Variants in CSMD1 observed in about 807,000 individuals in gnomAD.
CSMD1 encodes CUB and Sushi multiple domains 1, also known as CUB and sushi domain-containing protein 1.
In CSMD1, 213 loss-of-function variants were observed where a neutral mutation model predicts 417.5. The ratio of observed to expected loss-of-function variants is 0.51; its 90% CI spans 0.46 to 0.57. CSMD1 has a LOEUF of 0.57. CSMD1 is among the 20% of genes least tolerant of loss of function. The probability of loss-of-function intolerance (pLI) is 0.00; values close to 1 mark genes in which losing one functional copy is unlikely to be tolerated. For synonymous variants in CSMD1, 2,862 were observed against 1,736.8 expected (o/e 1.65, Z -16.11); for missense variants, 6,923 against 4,529.7 (o/e 1.53, Z -15.17).
At chr8:4,617,432 G>A (rs544608292) in intron 2 of CSMD1, among the ~76,000 whole-genome samples, 3 of 152,274 alleles carry the variant, frequency 2.0e-5, no homozygotes, top group African/African-American at 7.2e-5. Context: ...CAAGGTAGTA[G>A]GACTGATATT....
chr8:3,842,460 C>A (rs945898886), intron 5 of CSMD1, among the ~76,000 whole-genome samples: 1 of 152,070 alleles, frequency 6.6e-6, no homozygotes. Context: ...ATTTTATTCT[C>A]ATTGTTCATT....
At chr8:3,575,484 G>A (rs1308826868) in intron 9 of CSMD1, among the ~76,000 whole-genome samples, 1 of 152,140 alleles carries the variant, frequency 6.6e-6, no homozygotes, top group Non-Finnish European at 1.5e-5. Context: ...AGGCACCGCC[G>A]AGTGCAATTC....
intron 7 of CSMD1, among the ~76,000 whole-genome samples, chr8:3,637,581 T>C (rs1345852810): frequency 2.0e-5 from 3 of 152,168 alleles, no homozygotes; most frequent in Non-Finnish European, 4.4e-5. Context: ...TTTAGTAAAA[T>C]ATTGACTACT....
chr8:4,722,493 T>G (rs1563219938), intron 1 of CSMD1, among the ~76,000 whole-genome samples: 1 of 152,072 alleles, frequency 6.6e-6, no homozygotes, highest in Non-Finnish European at 1.5e-5. Flanking sequence ...CTGCTTCCAT[T>G]AGGACTTGGG....
At chr8:3,423,547 G>A (rs968740655) in intron 12 of CSMD1, among the ~76,000 whole-genome samples, 2 of 152,048 alleles carry the variant, frequency 1.3e-5, no homozygotes, top group East Asian at 1.9e-4. Context: ...CCACTGTGTG[G>A]CTTTGGCACC....
At chr8:4,496,482 G>A (rs938558731) in intron 2 of CSMD1, among the ~76,000 whole-genome samples, 4 of 152,172 alleles carry the variant, frequency 2.6e-5, no homozygotes, top group East Asian at 1.9e-4. Flanking sequence ...TGGAATCTCC[G>A]TTTGCGGAAC....
intron 5 of CSMD1, among the ~76,000 whole-genome samples, chr8:3,900,377 G>A (rs939235565): frequency 6.6e-6 from 1 of 151,138 alleles, no homozygotes; most frequent in African/African-American, 2.4e-5. Flanking sequence ...CTGTGTGACA[G>A]TGCAGCTGGG....
At chr8:3,873,561 C>T (rs1172402115) in intron 5 of CSMD1, among the ~76,000 whole-genome samples, 2 of 151,854 alleles carry the variant, frequency 1.3e-5, no homozygotes, top group Non-Finnish European at 1.5e-5. Flanking sequence ...GCAGGGTGGA[C>T]GGTGGGAGGA....
intron 5 of CSMD1, among the ~76,000 whole-genome samples, chr8:3,938,302 C>T (rs550752844): frequency 1.7e-4 from 26 of 152,152 alleles, no homozygotes; most frequent in Admixed American, 3.9e-4. Flanking sequence ...TGCTGGAGTT[C>T]CTTAAATAAT....
intron 52 of CSMD1, among the ~76,000 whole-genome samples, chr8:3,009,259 T>A (rs528725243): frequency 6.6e-6 from 1 of 152,344 alleles, no homozygotes; most frequent in Admixed American, 6.5e-5. Flanking sequence ...TAAATATTGG[T>A]CCGGGGATTA....
chr8:4,564,127 C>G (rs1349478064), intron 2 of CSMD1, among the ~76,000 whole-genome samples: 1 of 152,084 alleles, frequency 6.6e-6, no homozygotes, highest in Non-Finnish European at 1.5e-5. Flanking sequence ...TATTTATATT[C>G]TATAAAATGA....
chr8:3,903,835 T>G (rs1191778300), intron 5 of CSMD1, among the ~76,000 whole-genome samples: 1 of 152,174 alleles, frequency 6.6e-6, no homozygotes, highest in Non-Finnish European at 1.5e-5. Flanking sequence ...CTCTGAGGTC[T>G]CTTTAGTGGT....
At chr8:4,819,997 T>G (rs1799430901) in intron 1 of CSMD1, among the ~76,000 whole-genome samples, 1 of 152,206 alleles carries the variant, frequency 6.6e-6, no homozygotes, top group Non-Finnish European at 1.5e-5. Flanking sequence ...CCTATGTAAT[T>G]GTTCTATTCA....
intron 7 of CSMD1, among the ~76,000 whole-genome samples, chr8:3,639,517 C>A (rs1270204796): frequency 1.3e-5 from 2 of 152,156 alleles, no homozygotes; most frequent in African/African-American, 4.8e-5. Flanking sequence ...GTAAAAGACA[C>A]AGATAACATA....
chr8:4,894,941 G>A (rs1205338372), intron 1 of CSMD1, among the ~76,000 whole-genome samples: 1 of 152,150 alleles, frequency 6.6e-6, no homozygotes, highest in Non-Finnish European at 1.5e-5. Flanking sequence ...ATAAGGCCAG[G>A]AATCAAATGG....
At chr8:3,865,855 C>G (rs77394241) in intron 5 of CSMD1, among the ~76,000 whole-genome samples, 1 of 152,070 alleles carries the variant, frequency 6.6e-6, no homozygotes, top group South Asian at 2.1e-4. Flanking sequence ...GCTGGAAACA[C>G]GTGTTATAGT....
chr8:3,613,645 G>A (rs1801995697), intron 8 of CSMD1, among the ~76,000 whole-genome samples: 1 of 149,690 alleles, frequency 6.7e-6, no homozygotes, highest in African/African-American at 2.5e-5. Context: ...AACAAAAAAT[G>A]GTCATGTCAA....
intron 54 of CSMD1, among the ~76,000 whole-genome samples, chr8:2,982,132 G>T (rs1385368204): frequency 1.3e-5 from 2 of 152,166 alleles, no homozygotes; most frequent in African/African-American, 4.8e-5. Context: ...AAGGTGGGCA[G>T]ATCATTTGAG....
At chr8:3,635,073 T>A (rs1211960984) in intron 7 of CSMD1, among the ~76,000 whole-genome samples, 2 of 152,104 alleles carry the variant, frequency 1.3e-5, no homozygotes, top group African/African-American at 2.4e-5. Flanking sequence ...GATGCCTATA[T>A]AAGATACTTA....
Sources: allele counts gnomAD v4.1 joint callset (sites outside exome capture counted in the v4.1 genomes callset), GRCh38; gene constraint gnomAD v4.1.1; transcripts MANE v1.5; gene names NCBI Gene and HGNC (gene_info 2026-07-23, HGNC 2026-07-21).